Variants in SPTBN1 observed in about 807,000 individuals in gnomAD.
The protein encoded by SPTBN1 is spectrin beta, non-erythrocytic 1, also known as spectrin beta chain, non-erythrocytic 1.
A neutral mutation model predicts 266.4 loss-of-function variants in SPTBN1; 32 were observed. That is an observed-to-expected ratio of 0.12 (90% confidence interval 0.09 to 0.16). The LOEUF (loss-of-function observed/expected upper bound fraction) is 0.16, where lower values mean the gene tolerates loss of function less well. Among genes scored for constraint, SPTBN1 ranks in the 10% least tolerant of loss-of-function variants. SPTBN1 has a pLI of 1.00. For synonymous variants in SPTBN1, 1,336 were observed against 1,162.2 expected (o/e 1.15, Z -3.04); for missense variants, 2,296 against 3,067.1 (o/e 0.75, Z 5.94).
In SPTBN1 at chr2:54,614,493, A is replaced by C. The variant is rs181126904; in HGVS notation, c.475-1714A>C. Among the ~76,000 whole-genome samples the C allele has an allele frequency of 7.9e-3, 1,200 of 152,226 alleles. 20 individuals carry two copies. The highest frequency in any genetic ancestry group is 0.026 in the African/African-American group (1,091 of 41,528). On this transcript the variant is annotated intron_variant, in intron 4 of 35. Coordinates refer to ENST00000356805, the MANE Select transcript of SPTBN1 (RefSeq NM_003128.3). Reference sequence around the variant, plus strand: ...TACTGATGATGACACAGATTTTATGATGCTGCCCCTTTAAAAGAGAGTATA... The same window carrying C: ...TACTGATGATGACACAGATTTTATGCTGCTGCCCCTTTAAAAGAGAGTATA...
intron 2 of SPTBN1, among the ~76,000 whole-genome samples, chr2:54,596,365 C>A (rs6739140): frequency 2.0e-5 from 3 of 152,084 alleles, no homozygotes; most frequent in African/African-American, 4.8e-5. Context: ...CTCTGTCTCC[C>A]TCCTTCCAAC....
At chr2:54,467,005 C>G (rs966512200) in intron 1 of SPTBN1, among the ~76,000 whole-genome samples, 6 of 151,804 alleles carry the variant, frequency 4.0e-5, no homozygotes, top group Non-Finnish European at 5.9e-5. Flanking sequence ...AAGAACTGGC[C>G]GAGAGAGCGC....
chr2:54,648,576 T>A (rs1259576445), intron 24 of SPTBN1, among the ~76,000 whole-genome samples: 2 of 152,194 alleles, frequency 1.3e-5, no homozygotes, highest in Non-Finnish European at 2.9e-5. Flanking sequence ...TTATTTTCTC[T>A]TTTGTCACCT....
At chr2:54,648,083 A>G (rs944569613) in intron 24 of SPTBN1, among the ~76,000 whole-genome samples, 1 of 152,212 alleles carries the variant, frequency 6.6e-6, no homozygotes. Context: ...GAAAAAGAAG[A>G]GGTGAGTGTG....
At chr2:54,469,082 G>A (rs572431103) in intron 1 of SPTBN1, among the ~76,000 whole-genome samples, 2 of 152,278 alleles carry the variant, frequency 1.3e-5, no homozygotes, top group South Asian at 2.1e-4. Flanking sequence ...AAGAAAAAGC[G>A]TTATTTCTAT....
At chr2:54,469,784 A>C (rs755871281) in intron 1 of SPTBN1, among the ~76,000 whole-genome samples, 1 of 152,248 alleles carries the variant, frequency 6.6e-6, no homozygotes, top group Non-Finnish European at 1.5e-5. Context: ...CAGAGATATC[A>C]GTCAGGTGAC....
In SPTBN1 at chr2:54,594,835, T is replaced by TTTTC. The variant is rs1158722623; in HGVS notation, c.149-4254_149-4253insCTTT. ...TTCCATGACCCTCTGGTAAGTTTCTTTTTTTTTTTTTTTTTTGAGACAGAG... is the reference window on the plus strand; with the variant it reads ...TTCCATGACCCTCTGGTAAGTTTCTTTTTCTTTTTTTTTTTTTTTTGAGACAGAG... On this transcript the variant is annotated intron_variant, in intron 2 of 35. Transcript: ENST00000356805. 5.9e-4 allele frequency among the ~76,000 whole-genome samples: 82 copies of TTTTC among 137,940 alleles called. 3 individuals are homozygous for TTTTC. The highest frequency in any genetic ancestry group is 2.2e-4 in the South Asian group (1 of 4,480). The allele number at this position is 137,940 out of a possible 152,430, so 90.5% of individuals were successfully genotyped here.
intron 2 of SPTBN1, among the ~76,000 whole-genome samples, chr2:54,537,919 G>A (rs569788796): frequency 3.3e-5 from 5 of 152,240 alleles, no homozygotes; most frequent in Non-Finnish European, 7.3e-5. Flanking sequence ...GTGAACTGGA[G>A]TATGGAGTGT....
At chr2:54,604,354 TTTTC>T (rs1159010877) in intron 3 of SPTBN1, among the ~76,000 whole-genome samples, 3 of 152,174 alleles carry the variant, frequency 2.0e-5, no homozygotes, top group Non-Finnish European at 2.9e-5. Context: ...GAAGCTTTTT[TTTTC>T]TTTCTTTCTT....
chr2:54,556,963 T>C (rs1188263549), intron 2 of SPTBN1, among the ~76,000 whole-genome samples: 2 of 152,186 alleles, frequency 1.3e-5, no homozygotes, highest in Non-Finnish European at 2.9e-5. Flanking sequence ...CCAAGTGTTT[T>C]GTAATGCTCT....
chr2:54,472,841 T>C (rs1693998595), intron 1 of SPTBN1, among the ~76,000 whole-genome samples: 1 of 152,210 alleles, frequency 6.6e-6, no homozygotes, highest in Non-Finnish European at 1.5e-5. Context: ...ATATGTTAAA[T>C]AGCAGATGAA....
chr2:54,464,684 A>C (rs891903049), intron 1 of SPTBN1, among the ~76,000 whole-genome samples: 6 of 151,724 alleles, frequency 4.0e-5, no homozygotes, highest in African/African-American at 7.3e-5. Flanking sequence ...TTTTTGTTTT[A>C]TTTTGTTTTC....
chr2:54,639,383 C>T (rs1387796843), intron 18 of SPTBN1, among the ~76,000 whole-genome samples: 1 of 152,190 alleles, frequency 6.6e-6, no homozygotes, highest in Admixed American at 6.5e-5. Context: ...GTAACCTCAG[C>T]CCATATTCCT....
intron 26 of SPTBN1, among the ~76,000 whole-genome samples, chr2:54,650,720 T>G (rs754803082): frequency 7.2e-5 from 11 of 152,240 alleles, no homozygotes; most frequent in Non-Finnish European, 1.3e-4. Flanking sequence ...TGTTTTTCGC[T>G]TTATGAGATA....
chr2:54,465,283 G>A (rs923528654), intron 1 of SPTBN1, among the ~76,000 whole-genome samples: 2 of 152,068 alleles, frequency 1.3e-5, no homozygotes, highest in African/African-American at 2.4e-5. Flanking sequence ...GGGTTCTTTG[G>A]TATTTCCAGT....
Position 54,649,076 on chromosome 2 carries a change from G to C in SPTBN1, c.5088G>C (p.Glu1696Asp), listed in dbSNP as rs773924866. 1.2e-6 allele frequency: 2 copies of C among 1,614,236 alleles called. No homozygotes were observed. The highest frequency in any genetic ancestry group is 1.7e-6 in the Non-Finnish European group (2 of 1,180,022). Residue 1696 changes from glutamate to aspartate, a missense_variant, in exon 25 of 36, where the codon GAG (glutamate) becomes GAC (aspartate). Glu to Asp is a conservative substitution (Grantham distance 45). Around this residue, in one of 12 missense-constraint regions of SPTBN1, gnomAD observed 644 missense variants for 745.3 expected, o/e 0.86. Coordinates refer to ENST00000356805, the MANE Select transcript of SPTBN1 (RefSeq NM_003128.3). The surrounding 1 kb of genome is among the most constrained non-coding windows in gnomAD (Gnocchi z 6.7). ...LAEERRGKLD[E>D]RHRLFQLNRE... ...AAGAGAGAAGAGGCAAGCTGGATGAGAGACACAGGTTATTCCAGCTCAACC... is the reference window on the plus strand; with the variant it reads ...AAGAGAGAAGAGGCAAGCTGGATGACAGACACAGGTTATTCCAGCTCAACC...
At chr2:54,569,886 C>T (rs1239798213) in intron 2 of SPTBN1, among the ~76,000 whole-genome samples, 2 of 152,090 alleles carry the variant, frequency 1.3e-5, no homozygotes, top group African/African-American at 2.4e-5. Context: ...CCCACCCCCA[C>T]CCCCAAACCT....
At chr2:54,562,516 A>T (rs924417811) in intron 2 of SPTBN1, among the ~76,000 whole-genome samples, 4 of 67,728 alleles carry the variant, frequency 5.9e-5, no homozygotes, top group African/African-American at 3.0e-4. Flanking sequence ...AGAAATGCTT[A>T]CTTTTCTTTT....
At chr2:54,571,810 T>G (rs929905346) in intron 2 of SPTBN1, among the ~76,000 whole-genome samples, 2 of 152,204 alleles carry the variant, frequency 1.3e-5, no homozygotes, top group Non-Finnish European at 2.9e-5. Context: ...ATGCATATGT[T>G]TTAAAGTGAT....
Sources: gnomAD v4.1 joint callset for allele counts (sites outside exome capture counted in the v4.1 genomes callset) on GRCh38, gnomAD v4.1.1 for gene constraint, gnomAD v4.1.1 regional missense constraint, Gnocchi (gnomAD v3.1) non-coding constraint, MANE v1.5 for transcripts, NCBI Gene and HGNC (gene_info 2026-07-23, HGNC 2026-07-21) for gene names.